The following DSTN variants were observed in gnomAD, a reference collection of about 807,000 sequenced individuals.
DSTN encodes the protein destrin, actin depolymerizing factor, also known as destrin.
DSTN carries 10 observed loss-of-function variants against 16.8 expected under a neutral mutation model. The observed-to-expected ratio is 0.60, with a 90% confidence interval of 0.37 to 1.01. DSTN has a LOEUF of 1.01. DSTN is among the 50% of genes least tolerant of loss of function. DSTN has a pLI of 0.01. For synonymous variants in DSTN, 57 were observed against 58.9 expected (o/e 0.97, Z 0.14); for missense variants, 141 against 196.7 (o/e 0.72, Z 1.69).
intron 1 of DSTN, among the ~76,000 whole-genome samples, chr20:17,593,035 C>T (rs907437540): frequency 1.2e-4 from 19 of 152,222 alleles, no homozygotes; most frequent in African/African-American, 4.6e-4. Flanking sequence ...TATCCAGTCT[C>T]CAAACCCCTG....
chr20:17,596,509 C>T (rs2035528140), intron 1 of DSTN: 5 of 495,786 alleles, frequency 1.0e-5, no homozygotes, highest in Non-Finnish European at 1.3e-5. Context: ...TCTGATACCA[C>T]TCTTTTGTGT....
intron 1 of DSTN, among the ~76,000 whole-genome samples, chr20:17,578,138 C>T (rs908525469): frequency 3.9e-5 from 6 of 152,152 alleles, no homozygotes; most frequent in African/African-American, 9.7e-5. Flanking sequence ...GTCCAAGAAA[C>T]GATGCTGAGA....
At chr20:17,601,858 C>T (rs184166888) in intron 2 of DSTN, among the ~76,000 whole-genome samples, 1 of 152,140 alleles carries the variant, frequency 6.6e-6, no homozygotes, top group Admixed American at 6.5e-5. Flanking sequence ...GAATATTATA[C>T]TGCATTCCTT....
At chr20:17,570,475 C>T (rs1459984136) in intron 1 of DSTN, among the ~76,000 whole-genome samples, 2 of 152,212 alleles carry the variant, frequency 1.3e-5, no homozygotes, top group African/African-American at 4.8e-5. Context: ...TGAGCGTGGC[C>T]TCTGCGGGTG....
intron 1 of DSTN, among the ~76,000 whole-genome samples, chr20:17,586,514 A>G (rs6044894): frequency 0.51 from 76,862 of 152,054 alleles, 23,281 homozygotes; most frequent in African/African-American, 0.84. Flanking sequence ...TTTGCTGTTG[A>G]TATGGCTTTG....
chr20:17,579,317 G>A (rs1193389533), intron 1 of DSTN, among the ~76,000 whole-genome samples: 1 of 152,202 alleles, frequency 6.6e-6, no homozygotes, highest in South Asian at 2.1e-4. Flanking sequence ...GCTCATGCCT[G>A]TAATCCTAGC....
At chr20:17,575,410 C>G (rs1339345205) in intron 1 of DSTN, among the ~76,000 whole-genome samples, 1 of 151,904 alleles carries the variant, frequency 6.6e-6, no homozygotes, top group Non-Finnish European at 1.5e-5. Context: ...GTTGTACTGT[C>G]ATTTGCATAT....
intron 1 of DSTN, among the ~76,000 whole-genome samples, chr20:17,578,589 A>G (rs2035305781): frequency 6.6e-6 from 1 of 152,222 alleles, no homozygotes; most frequent in Admixed American, 6.5e-5. Context: ...TTCTTTCCTT[A>G]AAAATGAAAC....
chr20:17,581,553 G>A (rs2122171896), intron 1 of DSTN, among the ~76,000 whole-genome samples: 1 of 152,128 alleles, frequency 6.6e-6, no homozygotes, highest in East Asian at 1.9e-4. Context: ...CTTGAATTAA[G>A]ATTTGTTAAT....
intron 1 of DSTN, among the ~76,000 whole-genome samples, chr20:17,590,308 A>C (rs1341579783): frequency 1.3e-5 from 2 of 152,204 alleles, no homozygotes; most frequent in African/African-American, 4.8e-5. Flanking sequence ...TTACACAGTG[A>C]TTCTTAAGTA....
rs2035419282 is a variant in DSTN, at chr20:17,587,175, A to G, written c.4-13563A>G. On this transcript the variant is annotated intron_variant, in intron 1 of 3. Transcript: ENST00000246069. Reference sequence around the variant, plus strand: ...AATCCATTATTTCACTTCTTCCCCAATAACTAGGCTTTTGTTTCTCAAGGA... The same window carrying G: ...AATCCATTATTTCACTTCTTCCCCAGTAACTAGGCTTTTGTTTCTCAAGGA... Among the ~76,000 whole-genome samples, 4 of 150,626 alleles carry G rather than the reference A, an allele frequency of 2.7e-5. No homozygotes were observed. The South Asian group carries it at 8.4e-4, about 32-fold the overall frequency.
At chr20:17,604,725 A>C (rs1010142799) in intron 3 of DSTN, 94 bp downstream of exon 3, 5 of 1,141,028 alleles carry the variant, frequency 4.4e-6, no homozygotes, top group Non-Finnish European at 6.3e-6. Flanking sequence ...TTTTTTGCAG[A>C]GCTTCGGGCA....
In DSTN at chr20:17,582,355, A is replaced by T. The variant is rs575091684; in HGVS notation, c.3+12144A>T. Among the ~76,000 whole-genome samples, 12 of 152,308 alleles carry T rather than the reference A, an allele frequency of 7.9e-5. No individual in the cohort carries two copies. In the South Asian group the frequency reaches 1.5e-3, roughly 18 times the overall value. ...CAGCCTCCCAAAGTGCTGGGATTAC[A>T]GGTGTGAACCACCACACCCGGCCCC... On this transcript the variant is annotated intron_variant, in intron 1 of 3. Transcript: ENST00000246069.
Position 17,595,491 on chromosome 20 carries a change from AT to A in DSTN, c.4-5245del, listed in dbSNP as rs111270354. ...TTACCCATTTCTTTAGATCTCTGAT[AT>A]TGTTAATTTTATGAGTGATTAAGAT... On this transcript the variant is annotated intron_variant, in intron 1 of 3. Transcript: ENST00000246069. Among the ~76,000 whole-genome samples the A allele has an allele frequency of 2.6e-3, 402 of 152,090 alleles. 2 individuals carry two copies. Among genetic ancestry groups the A allele is most frequent in the African/African-American group, 8.8e-3 (364 of 41,500 alleles).
rs1233784581 is a variant in DSTN, at chr20:17,609,010, G to T, written c.*1864G>T. ...ATAGGCTCTACCATACAGCCTAGGTGTGTAGTAGGCTATGCCACTAGGTTT... is the reference window on the plus strand; with the variant it reads ...ATAGGCTCTACCATACAGCCTAGGTTTGTAGTAGGCTATGCCACTAGGTTT... On this transcript the variant is annotated 3_prime_UTR_variant, in exon 4 of 4. Transcript: ENST00000246069. The T allele has an allele frequency of 6.6e-6, 1 of 152,224 alleles. No individual in the cohort carries two copies. Among genetic ancestry groups the T allele is most frequent in the East Asian group, 1.9e-4 (1 of 5,200 alleles). The allele number at this position is 152,224 out of a possible 1,614,324, so 9.4% of individuals were successfully genotyped here.
At chr20:17,604,368 C>T (rs1216225581) in intron 2 of DSTN, among the ~76,000 whole-genome samples, 187 bp from the exon 3 acceptor site, 2 of 152,140 alleles carry the variant, frequency 1.3e-5, no homozygotes, top group African/African-American at 4.8e-5. Context: ...AGTGATTCTG[C>T]ATATGCCTAT....
chr20:17,591,809 G>A, intron 1 of DSTN: 2 of 798,660 alleles, frequency 2.5e-6, no homozygotes, highest in Non-Finnish European at 3.0e-6. Flanking sequence ...TAGAGGAATG[G>A]GGATGGATTG....
At chr20:17,570,315 G>A (rs1600694425) in intron 1 of DSTN, 104 bp downstream of exon 1, 4 of 1,336,162 alleles carry the variant, frequency 3.0e-6, no homozygotes, top group East Asian at 6.3e-5. Context: ...GCCTCAGCCC[G>A]GGGAGGGACC....
Position 17,607,194 on chromosome 20 carries a change from C to A in DSTN, c.*48C>A. 1.9e-6 allele frequency: 3 copies of A among 1,559,348 alleles called. No homozygotes were observed. In the African/African-American group the frequency reaches 4.1e-5, roughly 21 times the overall value. ...AAGCTTCCATGTTTAATGTTATCCTCTTGCTATATAAATAAAGCAAATATA... is the reference window on the plus strand; with the variant it reads ...AAGCTTCCATGTTTAATGTTATCCTATTGCTATATAAATAAAGCAAATATA... On this transcript the variant is annotated 3_prime_UTR_variant, in exon 4 of 4. Transcript: ENST00000246069.
Sources: allele counts gnomAD v4.1 joint callset (sites outside exome capture counted in the v4.1 genomes callset), GRCh38; gene constraint gnomAD v4.1.1; transcripts MANE v1.5; gene names NCBI Gene and HGNC (gene_info 2026-07-23, HGNC 2026-07-21).